Variants in KCNIP4 observed in about 807,000 individuals in gnomAD.
The protein encoded by KCNIP4 is potassium voltage-gated channel interacting protein 4, also known as Kv channel-interacting protein 4.
A neutral mutation model predicts 34.0 loss-of-function variants in KCNIP4; 12 were observed. The ratio of observed to expected loss-of-function variants is 0.35; its 90% CI spans 0.23 to 0.57. The LOEUF is 0.57. Among genes scored for constraint, KCNIP4 ranks in the 20% least tolerant of loss-of-function variants. The pLI, the probability that KCNIP4 is intolerant of heterozygous loss-of-function variation, is 0.83. For synonymous variants in KCNIP4, 124 were observed against 102.2 expected (o/e 1.21, Z -1.29); for missense variants, 238 against 311.7 (o/e 0.76, Z 1.78).
At chr4:21,829,090 A>G (rs1167272829) in intron 1 of KCNIP4, among the ~76,000 whole-genome samples, 1 of 152,066 alleles carries the variant, frequency 6.6e-6, no homozygotes, top group Non-Finnish European at 1.5e-5. Context: ...CACAGCAGAC[A>G]GTCCCCAACT....
intron 1 of KCNIP4, among the ~76,000 whole-genome samples, chr4:21,622,664 T>C (rs1745071111): frequency 6.6e-6 from 1 of 152,154 alleles, no homozygotes; most frequent in Non-Finnish European, 1.5e-5. Flanking sequence ...TAATTAAAAC[T>C]ATAAAACTAC....
intron 1 of KCNIP4, among the ~76,000 whole-genome samples, chr4:21,532,133 TAG>T (rs1029516348): frequency 2.6e-5 from 4 of 152,136 alleles, no homozygotes; most frequent in African/African-American, 9.7e-5. Context: ...GTCGCTGTGA[TAG>T]AGAAAAAGGA....
intron 3 of KCNIP4, among the ~76,000 whole-genome samples, chr4:20,786,938 T>C (rs946032283): frequency 1.3e-5 from 2 of 152,208 alleles, no homozygotes; most frequent in Non-Finnish European, 2.9e-5. Flanking sequence ...ATCTCCCATC[T>C]GCCAGACAGG....
intron 1 of KCNIP4, among the ~76,000 whole-genome samples, chr4:21,884,958 C>CA (rs1553942578): frequency 2.0e-4 from 30 of 150,974 alleles, no homozygotes; most frequent in South Asian, 2.1e-4. Context: ...GCCTCCCCCC[C>CA]ACTACTGTTA....
chr4:21,630,426 T>C (rs550345715), intron 1 of KCNIP4, among the ~76,000 whole-genome samples: 1 of 150,074 alleles, frequency 6.7e-6, no homozygotes. Context: ...GCCACTGAAC[T>C]CCAGCCTGGC....
chr4:21,253,095 T>C (rs1278771426), intron 1 of KCNIP4, among the ~76,000 whole-genome samples: 1 of 152,190 alleles, frequency 6.6e-6, no homozygotes, highest in African/African-American at 2.4e-5. Flanking sequence ...GTGACATCAA[T>C]GAGTGTTTCA....
rs536370568 is a variant in KCNIP4 at position 21,418,276 on chromosome 4, C to G, written c.61+530295G>C. On this transcript the variant is annotated intron_variant, in intron 1 of 8. Transcript: ENST00000382152. The stretch of plus-strand genomic sequence containing the variant: ...CCGTGCCTTATGCCCAAACACCTCC[C>G]GGGCAGTGCAGTAAGAACCAGATCT... 3.3e-5 allele frequency among the ~76,000 whole-genome samples: 5 copies of G among 152,246 alleles called. No homozygotes were observed. The South Asian group carries it at 1.0e-3, about 32-fold the overall frequency.
At chr4:20,776,880 G>A (rs555816425) in intron 3 of KCNIP4, among the ~76,000 whole-genome samples, 1 of 152,042 alleles carries the variant, frequency 6.6e-6, no homozygotes, top group South Asian at 2.1e-4. Context: ...CCATTATAGG[G>A]TAATTATGAA....
chr4:21,396,215 T>C (rs10014068), intron 1 of KCNIP4, among the ~76,000 whole-genome samples: 12,221 of 151,784 alleles, frequency 0.081, 1,453 homozygotes, highest in African/African-American at 0.26. Context: ...AGTTCAGTCT[T>C]CCCCAATATG....
chr4:21,570,849 A>G (rs1273392159), intron 1 of KCNIP4, among the ~76,000 whole-genome samples: 1 of 152,118 alleles, frequency 6.6e-6, no homozygotes, highest in Admixed American at 6.5e-5. Context: ...CCCTCCAAAC[A>G]ACACTATACA....
intron 1 of KCNIP4, among the ~76,000 whole-genome samples, chr4:20,991,520 T>A (rs1299142777): frequency 1.3e-5 from 2 of 152,052 alleles, no homozygotes; most frequent in Non-Finnish European, 2.9e-5. Flanking sequence ...CATAGATGAA[T>A]GGGGCCTGTG....
intron 1 of KCNIP4, among the ~76,000 whole-genome samples, chr4:21,075,269 G>A (rs1360639943): frequency 4.7e-4 from 72 of 152,252 alleles, no homozygotes; most frequent in Middle Eastern, 3.4e-3. Context: ...TTGTGTGGGA[G>A]TCTAAGTCTC....
At chr4:20,922,535 G>GTCTA (rs1177161853) in intron 1 of KCNIP4, among the ~76,000 whole-genome samples, 37 of 86,892 alleles carry the variant, frequency 4.3e-4, no homozygotes, top group South Asian at 1.1e-3. Context: ...CTGTCTGTCT[G>GTCTA]TCTGTCTGTC....
chr4:21,800,413 C>A (rs1305951448), intron 1 of KCNIP4, among the ~76,000 whole-genome samples: 1 of 152,052 alleles, frequency 6.6e-6, no homozygotes, highest in African/African-American at 2.4e-5. Flanking sequence ...CTTTCCTTTT[C>A]TAGCTGAAGC....
At chr4:21,633,500 T>C (rs1745906406) in intron 1 of KCNIP4, among the ~76,000 whole-genome samples, 2 of 152,114 alleles carry the variant, frequency 1.3e-5, no homozygotes, top group Admixed American at 1.3e-4. Context: ...AATGTGAAAG[T>C]CATGCATTGA....
At chr4:20,911,302 G>C (rs79291521) in intron 1 of KCNIP4, among the ~76,000 whole-genome samples, 1 of 152,106 alleles carries the variant, frequency 6.6e-6, no homozygotes, top group African/African-American at 2.4e-5. Flanking sequence ...GTTTACTGTC[G>C]TGTAAACTGT....
At chr4:21,071,939 A>G (rs1184886927) in intron 1 of KCNIP4, among the ~76,000 whole-genome samples, 1 of 152,096 alleles carries the variant, frequency 6.6e-6, no homozygotes, top group African/African-American at 2.4e-5. Context: ...GATGGTTTAC[A>G]GCTTCATCCA....
chr4:20,960,902 A>T (rs1577440180), intron 1 of KCNIP4, among the ~76,000 whole-genome samples: 1 of 152,340 alleles, frequency 6.6e-6, no homozygotes, highest in East Asian at 1.9e-4. Context: ...GAAGTCTCTA[A>T]TAAGACATTG....
chr4:20,741,040 C>T (rs1750951301), intron 5 of KCNIP4, among the ~76,000 whole-genome samples: 1 of 152,192 alleles, frequency 6.6e-6, no homozygotes, highest in Non-Finnish European at 1.5e-5. Context: ...AATATATATG[C>T]ACCAATACAG....
Sources: allele counts gnomAD v4.1 joint callset (sites outside exome capture counted in the v4.1 genomes callset), GRCh38; gene constraint gnomAD v4.1.1; transcripts MANE v1.5; gene names NCBI Gene and HGNC (gene_info 2026-07-23, HGNC 2026-07-21).